TMPRSS12: variants seen among roughly 807,000 people sequenced by gnomAD.
TMPRSS12 encodes transmembrane serine protease 12.
In TMPRSS12, 25 loss-of-function variants were observed where a neutral mutation model predicts 26.0. The observed-to-expected ratio is 0.96, with a 90% confidence interval of 0.70 to 1.34. The LOEUF is 1.34. Ranked by LOEUF, TMPRSS12 falls within the 40% of genes most tolerant of loss-of-function variation. TMPRSS12 has a pLI of 0.00. For missense variants in TMPRSS12, 441 were observed against 440.1 expected (o/e 1.00, Z -0.02); for synonymous variants, 150 against 161.7 (o/e 0.93, Z 0.55).
chr12:50,852,208 A>G (rs1383071585), intron 2 of TMPRSS12, among the ~76,000 whole-genome samples: 1 of 152,218 alleles, frequency 6.6e-6, no homozygotes, highest in African/African-American at 2.4e-5. Flanking sequence ...CTTTTAATGT[A>G]AAAAGGTTAA....
At chr12:50,877,737 G>A (rs1182206651) in intron 3 of TMPRSS12, among the ~76,000 whole-genome samples, 1 of 152,164 alleles carries the variant, frequency 6.6e-6, no homozygotes, top group Non-Finnish European at 1.5e-5. Context: ...AGCTTCCTGA[G>A]TAGCTGGGAT....
chr12:50,843,987 A>G lies in TMPRSS12; in HGVS notation c.333A>G (p.Leu111=), dbSNP rs569361291. 4.4e-6 allele frequency: 7 copies of G among 1,606,252 alleles called. No homozygotes were observed. Among genetic ancestry groups the G allele is most frequent in the Admixed American group, 1.7e-5 (1 of 58,706 alleles). The part of the protein sequence containing the change: ...RVLVHVCGGT[L]VRERWVLTAA... ...TTGTTCATGTATGTGGGGGAACCCT[A>G]GTGAGAGAGAGGTGGGTCCTCACAG... Residue 111 remains leucine (L), a synonymous_variant, in exon 2 of 5, where the codon CTA becomes CTG. Coordinates refer to ENST00000398458, the MANE Select transcript of TMPRSS12 (RefSeq NM_182559.3).
chr12:50,867,098 A>G (rs1937998376), intron 3 of TMPRSS12, among the ~76,000 whole-genome samples: 1 of 152,168 alleles, frequency 6.6e-6, no homozygotes, highest in Admixed American at 6.5e-5. Context: ...AAAAAATCAC[A>G]CTAGCTCACC....
chr12:50,863,426 A>G lies in TMPRSS12; in HGVS notation c.652+4373A>G, dbSNP rs1279232067. ...TGACCCAGCAATTGTACCCCTAGAT[A>G]TTTATCCCAGAGAAATACAAATGTC... On this transcript the variant is annotated intron_variant, in intron 3 of 4. Coordinates refer to ENST00000398458, the MANE Select transcript of TMPRSS12 (RefSeq NM_182559.3). Among the ~76,000 whole-genome samples, 3 of 152,214 alleles carry G rather than the reference A, an allele frequency of 2.0e-5. No homozygotes were observed. The East Asian group carries it at 5.8e-4, about 29-fold the overall frequency.
At chr12:50,844,994 C>T (rs1312267965) in intron 2 of TMPRSS12, among the ~76,000 whole-genome samples, 1 of 152,072 alleles carries the variant, frequency 6.6e-6, no homozygotes, top group Non-Finnish European at 1.5e-5. Context: ...TGAGACCAGC[C>T]TGGGAAATAT....
chr12:50,876,237 A>C (rs1938111332), intron 3 of TMPRSS12, among the ~76,000 whole-genome samples: 3 of 152,224 alleles, frequency 2.0e-5, no homozygotes. Context: ...TATTGCTAAA[A>C]AAACCAAAAA....
intron 2 of TMPRSS12, among the ~76,000 whole-genome samples, chr12:50,850,097 A>G (rs10783395): frequency 0.7 from 106,473 of 152,086 alleles, 37,395 homozygotes; most frequent in African/African-American, 0.73. Flanking sequence ...TTATTGCTGA[A>G]CAGTATTGCA....
chr12:50,876,031 T>C (rs1938109871), intron 3 of TMPRSS12, among the ~76,000 whole-genome samples: 1 of 152,200 alleles, frequency 6.6e-6, no homozygotes, highest in Admixed American at 6.5e-5. Flanking sequence ...ATCCAGGATC[T>C]ATAAAGAACT....
chr12:50,863,559 G>C (rs1937958892), intron 3 of TMPRSS12, among the ~76,000 whole-genome samples: 1 of 152,178 alleles, frequency 6.6e-6, no homozygotes, highest in Non-Finnish European at 1.5e-5. Flanking sequence ...AAATAAACTA[G>C]TATAGCCTTA....
In TMPRSS12 at chr12:50,863,017, A is replaced by C. The variant is rs137909987; in HGVS notation, c.652+3964A>C. On this transcript the variant is annotated intron_variant, in intron 3 of 4. Transcript: ENST00000398458. ...AGACCAGCCTGAGCAACATAGGGAG[A>C]CCTCGTCGCTAAAAAAATTAGCCAG... Among the ~76,000 whole-genome samples, 9 of 151,922 alleles carry C rather than the reference A, an allele frequency of 5.9e-5. No homozygotes were observed. In the East Asian group the frequency reaches 1.8e-3, roughly 30 times the overall value.
chr12:50,857,185 T>C (rs1054515109), intron 2 of TMPRSS12, among the ~76,000 whole-genome samples: 2 of 152,244 alleles, frequency 1.3e-5, no homozygotes, highest in African/African-American at 4.8e-5. Context: ...CATTAAATTA[T>C]ATAACATAAG....
chr12:50,852,344 C>T (rs1439093723), intron 2 of TMPRSS12, among the ~76,000 whole-genome samples: 2 of 152,188 alleles, frequency 1.3e-5, no homozygotes, highest in Admixed American at 1.3e-4. Flanking sequence ...AGGGATGGAG[C>T]AAAATCTATC....
chr12:50,855,841 G>A (rs1390232981), intron 2 of TMPRSS12, among the ~76,000 whole-genome samples: 2 of 152,306 alleles, frequency 1.3e-5, no homozygotes, highest in East Asian at 1.9e-4. Flanking sequence ...TAAAGAAAAT[G>A]TGGTACATAT....
At chr12:50,859,616 C>T (rs1198538778) in intron 3 of TMPRSS12, among the ~76,000 whole-genome samples, 1 of 152,188 alleles carries the variant, frequency 6.6e-6, no homozygotes, top group Non-Finnish European at 1.5e-5. Context: ...CCTCAGCCTC[C>T]CAAAGTGTTG....
intron 3 of TMPRSS12, among the ~76,000 whole-genome samples, chr12:50,869,360 T>C (rs1401377344): frequency 6.6e-6 from 1 of 152,172 alleles, no homozygotes; most frequent in Non-Finnish European, 1.5e-5. Context: ...CATTCAGTGC[T>C]ACTATGAACA....
chr12:50,887,370 G>A lies in TMPRSS12; in HGVS notation c.904G>A (p.Val302Ile), dbSNP rs200575674. ...CTGTGGTCGAAGAGGTTTTCCTGGTGTCTATATTGGGCCATCCTTCTACCA... is the reference window on the plus strand; with the variant it reads ...CTGTGGTCGAAGAGGTTTTCCTGGTATCTATATTGGGCCATCCTTCTACCA... ...HGCGRRGFPG[V>I]YIGPSFYQKW... The change falls in exon 5 of 5, where the codon GTC becomes ATC. Residue 302 changes from valine (V) to isoleucine (I), a missense_variant. Coordinates refer to ENST00000398458, the MANE Select transcript of TMPRSS12 (RefSeq NM_182559.3). 17 of 1,613,806 alleles carry A rather than the reference G, an allele frequency of 1.1e-5. No individual in the cohort carries two copies. The highest frequency in any genetic ancestry group is 1.4e-5 in the Non-Finnish European group (16 of 1,179,866).
intron 2 of TMPRSS12, among the ~76,000 whole-genome samples, chr12:50,854,133 A>G (rs1430270085): frequency 1.3e-5 from 2 of 152,182 alleles, no homozygotes; most frequent in Admixed American, 1.3e-4. Flanking sequence ...ACCATGATCA[A>G]GTAGGCTTTA....
At chr12:50,883,174 C>T (rs552424228) in intron 3 of TMPRSS12, among the ~76,000 whole-genome samples, 1 of 151,920 alleles carries the variant, frequency 6.6e-6, no homozygotes, top group African/African-American at 2.4e-5. Flanking sequence ...ACAAAAAAAA[C>T]CAAAAAATTA....
intron 2 of TMPRSS12, among the ~76,000 whole-genome samples, chr12:50,852,603 G>A (rs1009198432): frequency 6.6e-6 from 1 of 151,832 alleles, no homozygotes; most frequent in Non-Finnish European, 1.5e-5. Context: ...TAGAGACGGG[G>A]TTTCACCATC....
Sources: allele counts gnomAD v4.1 joint callset (sites outside exome capture counted in the v4.1 genomes callset), GRCh38; gene constraint gnomAD v4.1.1; transcripts MANE v1.5; gene names NCBI Gene and HGNC (gene_info 2026-07-23, HGNC 2026-07-21).